STK32A: variants seen among roughly 807,000 people sequenced by gnomAD.
STK32A encodes serine/threonine kinase 32A.
STK32A carries 41 observed loss-of-function variants against 53.2 expected under a neutral mutation model. That is an observed-to-expected ratio of 0.77 (90% confidence interval 0.60 to 1.00). STK32A has a LOEUF of 1.00. Ranked by LOEUF, STK32A falls within the 50% of genes least tolerant of loss-of-function variation. The pLI, the probability that STK32A is intolerant of heterozygous loss-of-function variation, is 0.00. For synonymous variants in STK32A, 166 were observed against 162.8 expected, an observed-to-expected ratio of 1.02 and a Z score of -0.15; for missense variants, 458 against 485.8, an observed-to-expected ratio of 0.94 and a Z score of 0.54.
At chr5:147,367,475 G>C (rs566955892) in intron 8 of STK32A, among the ~76,000 whole-genome samples, 43 of 152,266 alleles carry the variant, frequency 2.8e-4, no homozygotes, top group Middle Eastern at 3.4e-3. Flanking sequence ...TTTCACCTGG[G>C]TTTCAGGTGG....
At chr5:147,355,401 G>C (rs902370192) in intron 7 of STK32A, among the ~76,000 whole-genome samples, 2 of 152,030 alleles carry the variant, frequency 1.3e-5, no homozygotes, top group African/African-American at 4.8e-5. Context: ...TCGGCCGGGC[G>C]CGGTGGCTCA....
chr5:147,241,393 G>A (rs1434873439), intron 2 of STK32A, among the ~76,000 whole-genome samples: 1 of 152,166 alleles, frequency 6.6e-6, no homozygotes, highest in African/African-American at 2.4e-5. Context: ...GCAGGAGAAT[G>A]GCGGGAACCC....
intron 5 of STK32A, among the ~76,000 whole-genome samples, chr5:147,342,315 A>C (rs1177470923): frequency 2.0e-5 from 3 of 152,166 alleles, no homozygotes; most frequent in Non-Finnish European, 4.4e-5. Flanking sequence ...AAACTGTGAT[A>C]AATGTTATGG....
intron 4 of STK32A, among the ~76,000 whole-genome samples, chr5:147,316,931 T>G (rs1754024374): frequency 6.9e-6 from 1 of 145,176 alleles, no homozygotes; most frequent in South Asian, 2.2e-4. Flanking sequence ...TCGGAGTAAC[T>G]AAATAATTGA....
chr5:147,360,953 G>A lies in STK32A; in HGVS notation c.563-564G>A, dbSNP rs1756477480. 1.3e-5 allele frequency among the ~76,000 whole-genome samples: 2 copies of A among 152,264 alleles called. 1 individual carries two copies. Among genetic ancestry groups the A allele is most frequent in the East Asian group, 3.9e-4 (2 of 5,188 alleles). On this transcript the variant is annotated intron_variant, in intron 7 of 12. Transcript: ENST00000397936. Reference sequence around the variant, plus strand: ...ATTGAAAGAACTACAGTTACAAAGTGTAAAGAACCCACAGCTGTTGTAAAA... The same window carrying A: ...ATTGAAAGAACTACAGTTACAAAGTATAAAGAACCCACAGCTGTTGTAAAA...
At chr5:147,372,364 A>G (rs1013193122) in intron 9 of STK32A, among the ~76,000 whole-genome samples, 2 of 132,362 alleles carry the variant, frequency 1.5e-5, no homozygotes, top group African/African-American at 5.9e-5. Context: ...AGGAGTCATC[A>G]TTTGTGTCTC....
intron 4 of STK32A, among the ~76,000 whole-genome samples, chr5:147,311,542 C>A (rs545855911): frequency 1.3e-5 from 2 of 152,198 alleles, no homozygotes; most frequent in African/African-American, 4.8e-5. Flanking sequence ...TGCAATGCAG[C>A]CATCTGCCAC....
chr5:147,283,365 T>G (rs1056273312), intron 4 of STK32A, among the ~76,000 whole-genome samples: 5 of 150,868 alleles, frequency 3.3e-5, no homozygotes, highest in African/African-American at 7.3e-5. Context: ...ACTGACACTC[T>G]AAGGTCACAC....
intron 2 of STK32A, among the ~76,000 whole-genome samples, chr5:147,253,297 T>C (rs1051497648): frequency 1.3e-5 from 2 of 152,092 alleles, no homozygotes; most frequent in African/African-American, 2.4e-5. Flanking sequence ...TGAAAAAAAA[T>C]TTGTGGCATG....
chr5:147,267,315 A>G (rs925360117), intron 2 of STK32A, among the ~76,000 whole-genome samples: 4 of 152,154 alleles, frequency 2.6e-5, no homozygotes, highest in African/African-American at 9.7e-5. Flanking sequence ...CAAACCCAAA[A>G]GCAGAGTTTC....
intron 7 of STK32A, among the ~76,000 whole-genome samples, chr5:147,353,054 T>C (rs1369221354): frequency 6.6e-6 from 1 of 152,198 alleles, no homozygotes; most frequent in Non-Finnish European, 1.5e-5. Flanking sequence ...TTCCTCCGTG[T>C]AGCTAGGAGT....
chr5:147,258,165 A>ATTTTTTTTTTTTTTTTTTTTT (rs1249558498), intron 2 of STK32A, among the ~76,000 whole-genome samples: 21 of 143,826 alleles, frequency 1.5e-4, no homozygotes, highest in African/African-American at 5.5e-4. Context: ...ACCTTTTATA[A>ATTTTTTTTTTTTTTTTTTTTT]TTTTTGTTAA....
intron 2 of STK32A, among the ~76,000 whole-genome samples, chr5:147,263,652 T>G (rs1486726594): frequency 5.3e-5 from 8 of 151,972 alleles, no homozygotes; most frequent in Admixed American, 4.6e-4. Context: ...AGAAGATATA[T>G]TTAAAGAAAA....
chr5:147,281,155 C>T (rs1752046830), intron 4 of STK32A, among the ~76,000 whole-genome samples: 1 of 152,144 alleles, frequency 6.6e-6, no homozygotes, highest in Admixed American at 6.5e-5. Context: ...CTGAAAGAGC[C>T]TACCCAAGTG....
chr5:147,287,854 A>ATTT (rs78365779), intron 4 of STK32A, among the ~76,000 whole-genome samples: 179 of 149,348 alleles, frequency 1.2e-3, no homozygotes, highest in South Asian at 1.5e-3. Context: ...TAACCGACTA[A>ATTT]TTTTTTTTTT....
intron 5 of STK32A, among the ~76,000 whole-genome samples, chr5:147,327,141 C>T (rs1292921505): frequency 6.6e-6 from 1 of 152,124 alleles, no homozygotes; most frequent in Admixed American, 6.5e-5. Flanking sequence ...GTAAAAGAAG[C>T]AGTGATCCCT....
intron 4 of STK32A, among the ~76,000 whole-genome samples, chr5:147,295,650 A>G (rs1172997148): frequency 6.6e-6 from 1 of 152,238 alleles, no homozygotes; most frequent in Non-Finnish European, 1.5e-5. Flanking sequence ...TTTTTGTAAT[A>G]AATTTTACAT....
At chr5:147,257,195 T>C (rs1193505657) in intron 2 of STK32A, among the ~76,000 whole-genome samples, 1 of 151,970 alleles carries the variant, frequency 6.6e-6, no homozygotes, top group Non-Finnish European at 1.5e-5. Flanking sequence ...CTTCTTGCTA[T>C]TTAGTGGTCC....
At chr5:147,236,532 G>GAA (rs113748421) in intron 1 of STK32A, among the ~76,000 whole-genome samples, 1 of 148,932 alleles carries the variant, frequency 6.7e-6, no homozygotes, top group African/African-American at 2.5e-5. Flanking sequence ...TTCTGAATAT[G>GAA]AAAAAAAAAA....
Sources: gnomAD v4.1 joint callset for allele counts (sites outside exome capture counted in the v4.1 genomes callset) on GRCh38, gnomAD v4.1.1 for gene constraint, MANE v1.5 for transcripts, NCBI Gene and HGNC (gene_info 2026-07-23, HGNC 2026-07-21) for gene names.